The following EPHB1 variants were observed in gnomAD, a reference collection of about 807,000 sequenced individuals.
EPHB1 encodes the protein ephrin type-B receptor 1.
In EPHB1, 30 loss-of-function variants were observed where a neutral mutation model predicts 94.4. The observed-to-expected ratio is 0.32, with a 90% CI of 0.24 to 0.43. The LOEUF is 0.43. Among genes scored for constraint, EPHB1 ranks in the 20% least tolerant of loss-of-function variants. The pLI is 1.00. For missense variants in EPHB1, 1,055 were observed against 1,308.3 expected, an observed-to-expected ratio of 0.81 and a Z score of 2.99; for synonymous variants, 522 against 489.1, an observed-to-expected ratio of 1.07 and a Z score of -0.89.
At chr3:134,976,078 T>C (rs1578246819) in intron 3 of EPHB1, among the ~76,000 whole-genome samples, 1 of 151,952 alleles carries the variant, frequency 6.6e-6, no homozygotes, top group South Asian at 2.1e-4. Context: ...CTGGATGGGG[T>C]ATTTCAGGCC....
Position 135,132,959 on chromosome 3 carries a change from A to C in EPHB1, c.1207A>C (p.Thr403Pro), listed in dbSNP as rs2107687496. 1 of 1,613,700 alleles carries C rather than the reference A, an allele frequency of 6.2e-7. No individual in the cohort carries two copies. Among genetic ancestry groups the C allele is most frequent in the Non-Finnish European group, 8.5e-7 (1 of 1,179,774 alleles). The change falls in exon 5 of 16, where the codon ACC (threonine) becomes CCC (proline). Residue 403 changes from threonine (T) to proline (P), a missense_variant. Coordinates refer to ENST00000398015, the MANE Select transcript of EPHB1 (RefSeq NM_004441.5). ...CAGCCTGTGGGCCCACACCCCCTACACCTTTGACATCCAGGCCATCAATGG... is the reference window on the plus strand; with the variant it reads ...CAGCCTGTGGGCCCACACCCCCTACCCCTTTGACATCCAGGCCATCAATGG... ...ISSLWAHTPY[T>P]FDIQAINGVS...
At chr3:134,860,139 GAGAA>G (rs959532973) in intron 1 of EPHB1, among the ~76,000 whole-genome samples, 1 of 67,886 alleles carries the variant, frequency 1.5e-5, no homozygotes, top group African/African-American at 3.6e-5. Context: ...TGTAACAAAA[GAGAA>G]GGAAGGGACA....
chr3:134,894,467 C>T (rs895175587), intron 1 of EPHB1, among the ~76,000 whole-genome samples: 2 of 152,210 alleles, frequency 1.3e-5, no homozygotes, highest in Non-Finnish European at 2.9e-5. Context: ...TTGCCTCAGC[C>T]TCCAGGACAG....
At chr3:134,919,039 T>C (rs1389814831) in intron 1 of EPHB1, among the ~76,000 whole-genome samples, 1 of 152,198 alleles carries the variant, frequency 6.6e-6, no homozygotes, top group African/African-American at 2.4e-5. Context: ...AGGTGGTTGC[T>C]GTGGTCCTCA....
At chr3:135,005,067 GT>G (rs954353946) in intron 3 of EPHB1, among the ~76,000 whole-genome samples, 1 of 152,176 alleles carries the variant, frequency 6.6e-6, no homozygotes, top group African/African-American at 2.4e-5. Context: ...TTTCTGTTCT[GT>G]TTTTTCCCCA....
At chr3:134,860,182 C>CACACAG (rs1381425571) in intron 1 of EPHB1, among the ~76,000 whole-genome samples, 1 of 151,588 alleles carries the variant, frequency 6.6e-6, no homozygotes, top group African/African-American at 2.4e-5. Context: ...GACACACACA[C>CACACAG]ACACACACAC....
intron 2 of EPHB1, among the ~76,000 whole-genome samples, chr3:134,936,954 G>A (rs1456809407): frequency 1.3e-5 from 2 of 152,176 alleles, no homozygotes; most frequent in African/African-American, 4.8e-5. Flanking sequence ...TGCAGGGAAG[G>A]CCAGACTGAT....
At chr3:134,950,894 C>T (rs1933001675) in intron 2 of EPHB1, among the ~76,000 whole-genome samples, 1 of 152,166 alleles carries the variant, frequency 6.6e-6, no homozygotes, top group South Asian at 2.1e-4. Flanking sequence ...AATTCATGTG[C>T]TTTTCAGAGA....
At chr3:134,992,004 A>G (rs893301869) in intron 3 of EPHB1, among the ~76,000 whole-genome samples, 30 of 152,120 alleles carry the variant, frequency 2.0e-4, no homozygotes, top group African/African-American at 7.0e-4. Flanking sequence ...GCTTATTTCC[A>G]TAATCCTTCT....
At chr3:135,219,330 A>C (rs1253777761) in intron 12 of EPHB1, among the ~76,000 whole-genome samples, 2 of 152,114 alleles carry the variant, frequency 1.3e-5, no homozygotes, top group African/African-American at 2.4e-5. Context: ...AGGCTTTTGC[A>C]GATGTAATCA....
chr3:134,998,913 A>G (rs1158320088), intron 3 of EPHB1, among the ~76,000 whole-genome samples: 1 of 152,216 alleles, frequency 6.6e-6, no homozygotes, highest in East Asian at 1.9e-4. Context: ...GAGGGACATG[A>G]TGGCGACAGG....
chr3:134,836,564 G>C (rs1013659298), intron 1 of EPHB1, among the ~76,000 whole-genome samples: 1 of 151,904 alleles, frequency 6.6e-6, no homozygotes, highest in African/African-American at 2.4e-5. Flanking sequence ...GGTAAATAAC[G>C]GATAACAGAA....
chr3:135,099,012 CAAAAAAAAAA>C (rs34508563), intron 3 of EPHB1, among the ~76,000 whole-genome samples: 3 of 64,484 alleles, frequency 4.7e-5, no homozygotes, highest in Non-Finnish European at 8.1e-5. Context: ...GACCCTGCCT[CAAAAAAAAAA>C]AAAAAAAAAA....
intron 3 of EPHB1, among the ~76,000 whole-genome samples, chr3:135,020,970 C>T (rs1935968822): frequency 6.6e-6 from 1 of 152,030 alleles, no homozygotes; most frequent in African/African-American, 2.4e-5. Context: ...CTACTGCTTC[C>T]TTCATAATTT....
chr3:134,951,670 T>A lies in EPHB1; in HGVS notation c.423T>A (p.Ala141=). 6 of 1,614,052 alleles carry A rather than the reference T, an allele frequency of 3.7e-6. No homozygotes were observed. The highest frequency in any genetic ancestry group is 5.1e-6 in the Non-Finnish European group (6 of 1,179,978). Residue 141 remains alanine, a synonymous_variant, in exon 3 of 16, where the codon GCT becomes GCA. Coordinates refer to ENST00000398015, the MANE Select transcript of EPHB1 (RefSeq NM_004441.5). This position sits in a 1 kb window ranked among gnomAD's most constrained non-coding sequence, Gnocchi z 4.5. ...CCTACCTCAAAGTAGACACCATTGC[T>A]GCAGATGAGAGCTTCTCCCAGGTGG... ...EAPYLKVDTI[A]ADESFSQVDF...
At chr3:135,209,996 G>GGCGGAGGA (rs1942995951) in intron 12 of EPHB1, among the ~76,000 whole-genome samples, 1 of 152,202 alleles carries the variant, frequency 6.6e-6, no homozygotes, top group Non-Finnish European at 1.5e-5. Flanking sequence ...ATGACTCCAA[G>GGCGGAGGA]TATCCAGCCT....
chr3:134,850,226 A>G (rs1342563439), intron 1 of EPHB1, among the ~76,000 whole-genome samples: 1 of 152,222 alleles, frequency 6.6e-6, no homozygotes, highest in Non-Finnish European at 1.5e-5. Context: ...TGATCATAAA[A>G]TTGCCAAGGA....
intron 3 of EPHB1, among the ~76,000 whole-genome samples, chr3:135,005,217 A>C (rs1042430524): frequency 6.6e-6 from 1 of 152,168 alleles, no homozygotes; most frequent in African/African-American, 2.4e-5. Context: ...AGTACCCTGC[A>C]GTGTGAAGTG....
At chr3:134,821,195 A>G (rs1419008180) in intron 1 of EPHB1, among the ~76,000 whole-genome samples, 1 of 152,200 alleles carries the variant, frequency 6.6e-6, no homozygotes, top group Non-Finnish European at 1.5e-5. Context: ...TCAAGCCTTC[A>G]ACTGATTGGA....
Sources: allele counts gnomAD v4.1 joint callset (sites outside exome capture counted in the v4.1 genomes callset), GRCh38; gene constraint gnomAD v4.1.1; non-coding constraint Gnocchi (gnomAD v3.1); transcripts MANE v1.5; gene names NCBI Gene and HGNC (gene_info 2026-07-23, HGNC 2026-07-21).